Variants in HNRNPD observed in about 807,000 individuals in gnomAD.
HNRNPD encodes the protein heterogeneous nuclear ribonucleoprotein D0.
In HNRNPD, 3 loss-of-function variants were observed where a neutral mutation model predicts 47.9. The ratio of observed to expected loss-of-function variants is 0.06; its 90% CI spans 0.03 to 0.16. The LOEUF (loss-of-function observed/expected upper bound fraction) is 0.16. Among genes scored for constraint, HNRNPD ranks in the 10% least tolerant of loss-of-function variants. The probability of loss-of-function intolerance (pLI) is 1.00; values close to 1 mark genes in which losing one functional copy is unlikely to be tolerated. For missense variants in HNRNPD, 287 were observed against 454.2 expected (o/e 0.63, Z 3.35); for synonymous variants, 171 against 165.1 (o/e 1.04, Z -0.28).
At chr4:82,355,638 C>G in intron 7 of HNRNPD, 1 of 534,866 alleles carries the variant, frequency 1.9e-6, no homozygotes, top group Non-Finnish European at 3.3e-6. Flanking sequence ...GGAGACAATC[C>G]CCTCACCCTT....
rs1184766210 is a variant in HNRNPD, at chr4:82,373,691, T to C, written c.-13A>G. 4.7e-6 allele frequency: 7 copies of C among 1,493,132 alleles called. No homozygotes were observed. Among genetic ancestry groups the C allele is most frequent in the African/African-American group, 3.2e-5 (2 of 62,614 alleles). 92.5% of individuals were successfully genotyped at this position (1,493,132 alleles called of 1,614,324 possible). ...GCTCCTCCGACATAGTGCTAGTGTCTCCGCCGCTGCCGCCGAGACTACACC... is the reference window on the plus strand; with the variant it reads ...GCTCCTCCGACATAGTGCTAGTGTCCCCGCCGCTGCCGCCGAGACTACACC... On this transcript the variant is annotated 5_prime_UTR_variant, in exon 1 of 9. Transcript: ENST00000313899.
chr4:82,367,883 C>T (rs1719842361), intron 2 of HNRNPD, among the ~76,000 whole-genome samples: 1 of 152,188 alleles, frequency 6.6e-6, no homozygotes, highest in African/African-American at 2.4e-5. Context: ...GCTATGTAGT[C>T]AATCCTCCTG....
At chr4:82,358,636 G>A (rs377466802) in intron 4 of HNRNPD, 23 bp downstream of exon 4, 13 of 1,587,798 alleles carry the variant, frequency 8.2e-6, no homozygotes, top group Non-Finnish European at 8.5e-6. Context: ...GACATAAACT[G>A]GGTCAAAACA....
At chr4:82,370,981 T>TATATACAC (rs142474751) in intron 2 of HNRNPD, among the ~76,000 whole-genome samples, 8 of 149,350 alleles carry the variant, frequency 5.4e-5, no homozygotes, top group East Asian at 3.9e-4. Flanking sequence ...GGTATATATA[T>TATATACAC]ACACACACAC....
chr4:82,373,413 G>C, intron 1 of HNRNPD, 33 bp downstream of exon 1: 1 of 1,553,724 alleles, frequency 6.4e-7, no homozygotes, highest in Non-Finnish European at 8.7e-7. Flanking sequence ...GGGACTAGTT[G>C]GGCCTGACTA....
At position 82,355,313 on chromosome 4, in the gene HNRNPD, A is replaced by G. The variant is rs367971264; in HGVS notation, c.*21T>C. 1.6e-5 allele frequency: 26 copies of G among 1,577,402 alleles called. No homozygotes were observed. The African/African-American group carries it at 2.0e-4, about 12-fold the overall frequency. The stretch of plus-strand genomic sequence containing the variant: ...TATTTTTAGAACATACCTGTTGGGG[A>G]TAAGTTGCAAATGGAATAATTTAGT... On this transcript the variant is annotated 3_prime_UTR_variant, in exon 8 of 9. Transcript: ENST00000313899.
At chr4:82,368,784 G>C (rs1719888214) in intron 2 of HNRNPD, among the ~76,000 whole-genome samples, 1 of 152,194 alleles carries the variant, frequency 6.6e-6, no homozygotes, top group South Asian at 2.1e-4. Context: ...ACAATGTTCA[G>C]ATTGCCCCAG....
At chr4:82,370,595 C>CTGGACTGATTTCAG (rs1490836114) in intron 2 of HNRNPD, among the ~76,000 whole-genome samples, 1 of 151,968 alleles carries the variant, frequency 6.6e-6, no homozygotes, top group Non-Finnish European at 1.5e-5. Context: ...CAAGGTAAAG[C>CTGGACTGATTTCAG]TGGACTGATT....
Position 82,373,474 on chromosome 4 carries a change from C to G in HNRNPD, c.205G>C (p.Asp69His), listed in dbSNP as rs752486162. The change falls in exon 1 of 9, where the codon GAC becomes CAC. Residue 69 changes from aspartate to histidine, a missense_variant. Physicochemically the swap from Asp to His is moderately conservative, Grantham distance 81 (BLOSUM62 -1). Coordinates refer to ENST00000313899, the MANE Select transcript of HNRNPD (RefSeq NM_031370.3). Reference sequence around the variant, plus strand: ...TCATCCTCCTCGTTCTTACTGGCGTCAATCTTCGCCCCCTCCGACTCGGCG... The same window carrying G: ...TCATCCTCCTCGTTCTTACTGGCGTGAATCTTCGCCCCCTCCGACTCGGCG... ...GSAESEGAKI[D>H]ASKNEEDEGH... 5 of 1,562,476 alleles carry G rather than the reference C, an allele frequency of 3.2e-6. No homozygotes were observed. Among genetic ancestry groups the G allele is most frequent in the Admixed American group, 1.9e-5 (1 of 52,746 alleles).
At chr4:82,356,460 C>T in intron 7 of HNRNPD, 77 bp downstream of exon 7, 1 of 1,216,188 alleles carries the variant, frequency 8.2e-7, no homozygotes, top group Non-Finnish European at 1.2e-6. Context: ...GGCAAGGCTA[C>T]ACTAACCTTT....
intron 1 of HNRNPD, 135 bp downstream of exon 1, chr4:82,373,311 G>A (rs936590340): frequency 2.5e-6 from 3 of 1,199,216 alleles, no homozygotes; most frequent in East Asian, 2.6e-5. Flanking sequence ...CATAGAAAAA[G>A]GGAGACCAGT....
chr4:82,372,828 G>A (rs559459828), intron 1 of HNRNPD, among the ~76,000 whole-genome samples: 4 of 152,340 alleles, frequency 2.6e-5, no homozygotes, highest in Admixed American at 2.6e-4. Context: ...GTATGAGTAT[G>A]CCATTGTGCG....
At chr4:82,355,237 T>G (rs1238764799) in intron 8 of HNRNPD, 67 bp downstream of exon 8, 1 of 862,248 alleles carries the variant, frequency 1.2e-6, no homozygotes, top group South Asian at 1.5e-5. Context: ...AGCATTGTTT[T>G]ATGAACAATA....
chr4:82,355,055 C>T (rs1723658284), intron 8 of HNRNPD: 4 of 475,550 alleles, frequency 8.4e-6, no homozygotes, highest in Non-Finnish European at 1.5e-5. Context: ...TACTTTTTTG[C>T]TGCAATTCCT....
In HNRNPD at chr4:82,360,218, T is replaced by G. The variant is rs534263879; in HGVS notation, c.291-579A>C. Among the ~76,000 whole-genome samples the G allele has an allele frequency of 4.6e-5, 7 of 152,096 alleles. No individual in the cohort carries two copies. The South Asian group carries it at 1.5e-3, about 32-fold the overall frequency. ...TGCAATATAAACAATTTAGTGAAAA[T>G]TATCCATTGAAGTACAATCCACTAA... On this transcript the variant is annotated intron_variant, in intron 2 of 8. Transcript: ENST00000313899.
intron 2 of HNRNPD, among the ~76,000 whole-genome samples, chr4:82,362,765 G>A (rs1441814440): frequency 7.9e-5 from 12 of 151,958 alleles, no homozygotes; most frequent in Admixed American, 7.2e-4. Flanking sequence ...CGCCTGACTT[G>A]ATTTTTGCAT....
At chr4:82,358,373 C>G (rs575820579) in intron 4 of HNRNPD, 115 of 289,902 alleles carry the variant, frequency 4.0e-4, no homozygotes, top group African/African-American at 2.5e-3. Flanking sequence ...TCCTTCTAAT[C>G]TAGATTTCTT....
At chr4:82,357,596 T>G (rs1723770601) in intron 4 of HNRNPD, 152 bp from the exon 5 acceptor site, 1 of 589,286 alleles carries the variant, frequency 1.7e-6, no homozygotes, top group South Asian at 3.0e-5. Flanking sequence ...TCTAATCCTT[T>G]TAAGGAATTC....
Position 82,353,558 on chromosome 4 carries a change from G to C in HNRNPD, c.*627C>G, listed in dbSNP as rs1723595875. On this transcript the variant is annotated 3_prime_UTR_variant, in exon 9 of 9. Transcript: ENST00000313899. The stretch of plus-strand genomic sequence containing the variant: ...GCACAATACATATTAAGCAAAAACT[G>C]GGCATTTGGGAAAATATTCATATAA... 1 of 152,550 alleles carries C rather than the reference G, an allele frequency of 6.6e-6. No individual in the cohort carries two copies. The highest frequency in any genetic ancestry group is 2.4e-5 in the African/African-American group (1 of 41,428). 9.4% of individuals were successfully genotyped at this position (152,550 alleles called of 1,614,324 possible).
Sources: gnomAD v4.1 joint callset for allele counts (sites outside exome capture counted in the v4.1 genomes callset) on GRCh38, gnomAD v4.1.1 for gene constraint, MANE v1.5 for transcripts, NCBI Gene and HGNC (gene_info 2026-07-23, HGNC 2026-07-21) for gene names.